Variants in GALNT13 observed in about 807,000 individuals in gnomAD.
The protein encoded by GALNT13 is polypeptide N-acetylgalactosaminyltransferase 13.
Under a neutral mutation model 64.2 loss-of-function variants are expected in GALNT13, and 28 were observed. That is an observed-to-expected ratio of 0.44 (90% CI 0.32 to 0.60). The LOEUF (loss-of-function observed/expected upper bound fraction) is 0.60. Ranked by LOEUF, GALNT13 falls within the 20% of genes least tolerant of loss-of-function variation. The pLI is 0.05. For synonymous variants in GALNT13, 214 were observed against 224.6 expected, an observed-to-expected ratio of 0.95 and a Z score of 0.42; for missense variants, 577 against 669.8, an observed-to-expected ratio of 0.86 and a Z score of 1.53.
the GALNT13 span, among the ~76,000 whole-genome samples, chr2:153,738,858 CT>C: frequency 6.6e-6 from 1 of 151,856 alleles, no homozygotes; most frequent in Non-Finnish European, 1.5e-5. Flanking sequence ...CCATTGTCTT[CT>C]TTTTCCTTCA....
At chr2:154,025,309 C>T (rs762148524) in intron 3 of GALNT13, among the ~76,000 whole-genome samples, 1 of 152,112 alleles carries the variant, frequency 6.6e-6, no homozygotes, top group African/African-American at 2.4e-5. Flanking sequence ...CATCTTGGCT[C>T]CTCCCCCCAT....
intron 4 of GALNT13, among the ~76,000 whole-genome samples, chr2:154,173,647 T>C (rs868395468): frequency 8.6e-5 from 13 of 152,004 alleles, no homozygotes; most frequent in Admixed American, 1.3e-4. Context: ...AGCAAACAAT[T>C]CATCTGACAA....
chr2:153,919,923 G>A (rs1177080493), intron 2 of GALNT13, among the ~76,000 whole-genome samples: 1 of 149,574 alleles, frequency 6.7e-6, no homozygotes, highest in Non-Finnish European at 1.5e-5. Context: ...CAAACTGAAT[G>A]TGTATAGGGG....
At chr2:153,619,892 T>C in the GALNT13 span, among the ~76,000 whole-genome samples, 2 of 152,186 alleles carry the variant, frequency 1.3e-5, no homozygotes, top group East Asian at 1.9e-4. Context: ...ATAGTTGATC[T>C]TTGGGAGTTT....
At position 154,295,091 on chromosome 2, in the gene GALNT13, G is replaced by T. The variant is rs1447878832; in HGVS notation, c.976-6318G>T. Among the ~76,000 whole-genome samples, 3 of 152,142 alleles carry T rather than the reference G, an allele frequency of 2.0e-5. No individual in the cohort carries two copies. The East Asian group carries it at 5.8e-4, about 29-fold the overall frequency. On this transcript the variant is annotated intron_variant, in intron 8 of 12. Coordinates refer to ENST00000392825, the MANE Select transcript of GALNT13 (RefSeq NM_052917.4). ...ACAGAGTGGAAATAAAGAGCCCTGT[G>T]CATCTAACTCACACAACCATAGTGC...
At chr2:153,304,247 T>C in the GALNT13 span, among the ~76,000 whole-genome samples, 1 of 151,802 alleles carries the variant, frequency 6.6e-6, no homozygotes, top group South Asian at 2.1e-4. Context: ...TATTCAAAAA[T>C]GCCTAAGTCA....
the GALNT13 span, chr2:153,593,353 A>T: frequency 6.6e-6 from 1 of 152,228 alleles, no homozygotes; most frequent in Non-Finnish European, 1.5e-5. Context: ...AGAAGCAGCC[A>T]TAATCCTCCT....
the GALNT13 span, among the ~76,000 whole-genome samples, chr2:153,827,840 G>T: frequency 1.3e-5 from 2 of 152,162 alleles, no homozygotes; most frequent in Admixed American, 1.3e-4. Flanking sequence ...TCACCTATGA[G>T]CCTGTAAAAT....
the GALNT13 span, among the ~76,000 whole-genome samples, chr2:153,273,630 A>G: frequency 6.6e-6 from 1 of 152,218 alleles, no homozygotes; most frequent in African/African-American, 2.4e-5. Context: ...AGAAATATTT[A>G]TATAGTGTTC....
chr2:154,251,688 G>A (rs1299500696), intron 7 of GALNT13, among the ~76,000 whole-genome samples: 1 of 151,944 alleles, frequency 6.6e-6, no homozygotes, highest in African/African-American at 2.4e-5. Flanking sequence ...AATAGTGTGC[G>A]GTATCCACCA....
the GALNT13 span, among the ~76,000 whole-genome samples, chr2:153,845,505 C>T: frequency 6.6e-6 from 1 of 152,224 alleles, no homozygotes; most frequent in Admixed American, 6.5e-5. Context: ...AGGGGATGGC[C>T]CAAGCCATTC....
chr2:153,196,974 C>T, the GALNT13 span, among the ~76,000 whole-genome samples: 3 of 152,348 alleles, frequency 2.0e-5, no homozygotes, highest in South Asian at 6.2e-4. Flanking sequence ...TGGGACAATT[C>T]TCAGGCTTTC....
intron 4 of GALNT13, among the ~76,000 whole-genome samples, chr2:154,241,215 G>C (rs1232879253): frequency 6.6e-6 from 1 of 152,280 alleles, no homozygotes; most frequent in African/African-American, 2.4e-5. Context: ...GCACAGGATG[G>C]CAGGCCAGGG....
At chr2:153,433,611 T>C in the GALNT13 span, among the ~76,000 whole-genome samples, 1 of 152,090 alleles carries the variant, frequency 6.6e-6, no homozygotes, top group East Asian at 1.9e-4. Flanking sequence ...CAGCATATTC[T>C]TTGCAAAAAA....
chr2:154,393,106 T>G (rs1698872782), intron 9 of GALNT13, among the ~76,000 whole-genome samples: 1 of 152,354 alleles, frequency 6.6e-6, no homozygotes, highest in African/African-American at 2.4e-5. Flanking sequence ...ATGCTTAGTA[T>G]AGATCCCAGT....
rs1022231502 is a variant in GALNT13, at chr2:154,350,637, C to A, written c.1157-45354C>A. ...CAATACTCCTTAATTAACTCACTTT[C>A]CTGTATATATCTATCATATTAGTCC... is the stretch of plus-strand genomic sequence containing the variant. On this transcript the variant is annotated intron_variant, in intron 9 of 12. Coordinates refer to ENST00000392825, the MANE Select transcript of GALNT13 (RefSeq NM_052917.4). 2.0e-5 allele frequency among the ~76,000 whole-genome samples: 3 copies of A among 152,286 alleles called. No individual in the cohort carries two copies. In the South Asian group the frequency reaches 6.2e-4, roughly 32 times the overall value.
chr2:154,283,795 A>G (rs1162996952), intron 8 of GALNT13, among the ~76,000 whole-genome samples: 1 of 152,122 alleles, frequency 6.6e-6, no homozygotes, highest in Non-Finnish European at 1.5e-5. Context: ...ATGACAAACT[A>G]TAGAATTGAG....
the GALNT13 span, among the ~76,000 whole-genome samples, chr2:153,192,377 T>C: frequency 6.6e-6 from 1 of 152,134 alleles, no homozygotes; most frequent in Non-Finnish European, 1.5e-5. Context: ...TTTCCAGTTT[T>C]ATTCTTTTGT....
At chr2:153,847,007 T>C in the GALNT13 span, among the ~76,000 whole-genome samples, 25 of 152,148 alleles carry the variant, frequency 1.6e-4, no homozygotes, top group Non-Finnish European at 2.8e-4. Context: ...AGACACATCT[T>C]AAATATAAGG....
Sources: gnomAD v4.1 joint callset for allele counts (sites outside exome capture counted in the v4.1 genomes callset) on GRCh38, gnomAD v4.1.1 for gene constraint, MANE v1.5 for transcripts, NCBI Gene and HGNC (gene_info 2026-07-23, HGNC 2026-07-21) for gene names.